Variants in KCND2 observed in about 807,000 individuals in gnomAD.
KCND2 encodes the protein A-type voltage-gated potassium channel KCND2.
A neutral mutation model predicts 54.4 loss-of-function variants in KCND2; 16 were observed. The ratio of observed to expected loss-of-function variants is 0.29; its 90% confidence interval spans 0.20 to 0.45. KCND2 has a LOEUF of 0.45. Among genes scored for constraint, KCND2 ranks in the 20% least tolerant of loss-of-function variants. The pLI is 1.00. For missense variants in KCND2, 486 were observed against 824.2 expected, an observed-to-expected ratio of 0.59 and a Z score of 5.02; for synonymous variants, 317 against 310.7, an observed-to-expected ratio of 1.02 and a Z score of -0.21.
chr7:120,671,103 G>C (rs535265554), intron 1 of KCND2, among the ~76,000 whole-genome samples: 15 of 152,040 alleles, frequency 9.9e-5, no homozygotes, highest in African/African-American at 3.6e-4. Context: ...CATTTTTAAT[G>C]AGATAAGATT....
intron 1 of KCND2, among the ~76,000 whole-genome samples, chr7:120,282,354 TA>T: frequency 6.6e-6 from 1 of 152,288 alleles, no homozygotes; most frequent in African/African-American, 2.4e-5. Context: ...ATATTGTCTG[TA>T]AATGACATAG....
intron 1 of KCND2, among the ~76,000 whole-genome samples, chr7:120,678,581 T>C (rs745713705): frequency 8.2e-5 from 12 of 147,096 alleles, no homozygotes; most frequent in Non-Finnish European, 1.5e-4. Context: ...ACATTTACAG[T>C]TCATTACACA....
At chr7:120,540,146 G>C (rs941282925) in intron 1 of KCND2, among the ~76,000 whole-genome samples, 1 of 152,034 alleles carries the variant, frequency 6.6e-6, no homozygotes, top group Non-Finnish European at 1.5e-5. Flanking sequence ...TGATCCACCC[G>C]CCTTGACCTC....
At chr7:120,728,989 C>T (rs959275727) in intron 1 of KCND2, among the ~76,000 whole-genome samples, 5 of 152,160 alleles carry the variant, frequency 3.3e-5, no homozygotes, top group African/African-American at 1.2e-4. Context: ...CATTTCACCA[C>T]GGTGTCACTT....
chr7:120,283,332 G>A (rs1799292818), intron 1 of KCND2, among the ~76,000 whole-genome samples: 1 of 152,102 alleles, frequency 6.6e-6, no homozygotes, highest in Non-Finnish European at 1.5e-5. Context: ...GATGAAAGGG[G>A]GAGCCATTAG....
At chr7:120,576,241 A>T (rs900083734) in intron 1 of KCND2, among the ~76,000 whole-genome samples, 2 of 152,222 alleles carry the variant, frequency 1.3e-5, no homozygotes, top group Non-Finnish European at 2.9e-5. Context: ...TTTTTGAATG[A>T]ATTAATAAAT....
At chr7:120,555,007 G>T (rs1187639042) in intron 1 of KCND2, among the ~76,000 whole-genome samples, 1 of 152,074 alleles carries the variant, frequency 6.6e-6, no homozygotes, top group African/African-American at 2.4e-5. Flanking sequence ...TTAGCTCTAT[G>T]GTACTCTGCT....
chr7:120,315,657 G>A (rs374707452), intron 1 of KCND2, among the ~76,000 whole-genome samples: 2 of 152,166 alleles, frequency 1.3e-5, no homozygotes, highest in Admixed American at 1.3e-4. Context: ...ACTTGAAATA[G>A]TTCCCCTCTA....
intron 1 of KCND2, among the ~76,000 whole-genome samples, chr7:120,384,857 C>T (rs1203232720): frequency 6.6e-6 from 1 of 152,058 alleles, no homozygotes; most frequent in Non-Finnish European, 1.5e-5. Flanking sequence ...AGAACTTGTG[C>T]CTAGGCAAAA....
chr7:120,443,310 G>A (rs893801023), intron 1 of KCND2, among the ~76,000 whole-genome samples: 6 of 151,246 alleles, frequency 4.0e-5, no homozygotes, highest in African/African-American at 1.2e-4. Flanking sequence ...AGAAAAATTT[G>A]AAGGTTTCAC....
At chr7:120,571,801 C>T (rs906070721) in intron 1 of KCND2, among the ~76,000 whole-genome samples, 5 of 152,186 alleles carry the variant, frequency 3.3e-5, no homozygotes, top group East Asian at 3.8e-4. Flanking sequence ...TAGTCTTCCT[C>T]AAAGTCAGAT....
chr7:120,620,437 T>C (rs1793083775), intron 1 of KCND2, among the ~76,000 whole-genome samples: 1 of 152,026 alleles, frequency 6.6e-6, no homozygotes, highest in Admixed American at 6.6e-5. Context: ...CAAAACTAAA[T>C]CAAAAAAATA....
chr7:120,398,419 G>A lies in KCND2; in HGVS notation c.1115+122672G>A, dbSNP rs116312709. ...GATGACTAGGATACAAAGACCAGTA[G>A]GCCATTATCTCAACTTTGTGTCTGT... On this transcript the variant is annotated intron_variant, in intron 1 of 5. Transcript: ENST00000331113. 4.5e-3 allele frequency among the ~76,000 whole-genome samples: 691 copies of A among 152,048 alleles called. 6 individuals are homozygous for A. Among genetic ancestry groups the A allele is most frequent in the African/African-American group, 0.016 (649 of 41,500 alleles).
chr7:120,603,279 C>G (rs544248743), intron 1 of KCND2, among the ~76,000 whole-genome samples: 1 of 152,328 alleles, frequency 6.6e-6, no homozygotes, highest in East Asian at 1.9e-4. Flanking sequence ...AGCTCCTCAA[C>G]GCCATAGGTT....
chr7:120,603,732 G>A (rs1217170685), intron 1 of KCND2, among the ~76,000 whole-genome samples: 1 of 152,092 alleles, frequency 6.6e-6, no homozygotes, highest in Non-Finnish European at 1.5e-5. Flanking sequence ...AATATTAAAA[G>A]TTTCCATGGT....
At chr7:120,310,835 C>T (rs1799726165) in intron 1 of KCND2, among the ~76,000 whole-genome samples, 1 of 150,938 alleles carries the variant, frequency 6.6e-6, no homozygotes, top group South Asian at 2.1e-4. Context: ...ACTCAGGAAG[C>T]TGAGGCACAG....
chr7:120,418,491 C>T (rs1801558705), intron 1 of KCND2, among the ~76,000 whole-genome samples: 1 of 152,126 alleles, frequency 6.6e-6, no homozygotes, highest in South Asian at 2.1e-4. Flanking sequence ...TCTGCTGTTC[C>T]AATGGGTCTC....
chr7:120,606,175 C>A (rs1357197497), intron 1 of KCND2, among the ~76,000 whole-genome samples: 1 of 152,158 alleles, frequency 6.6e-6, no homozygotes, highest in Non-Finnish European at 1.5e-5. Context: ...TTATTAATTA[C>A]CCATTCTCAA....
intron 1 of KCND2, among the ~76,000 whole-genome samples, chr7:120,521,532 G>A (rs1386579046): frequency 6.6e-6 from 1 of 152,002 alleles, no homozygotes; most frequent in East Asian, 1.9e-4. Flanking sequence ...GTCACATTCA[G>A]CAAAGGTGTC....
Sources: allele counts gnomAD v4.1 joint callset (sites outside exome capture counted in the v4.1 genomes callset), GRCh38; gene constraint gnomAD v4.1.1; transcripts MANE v1.5; gene names NCBI Gene and HGNC (gene_info 2026-07-23, HGNC 2026-07-21).